PLXDC2: variants seen among roughly 807,000 people sequenced by gnomAD.
PLXDC2 encodes the protein plexin domain containing 2.
In PLXDC2, 40 loss-of-function variants were observed where a neutral mutation model predicts 68.9. That is an observed-to-expected ratio of 0.58 (90% CI 0.45 to 0.76). The LOEUF (loss-of-function observed/expected upper bound fraction) is 0.76, where lower values mean the gene tolerates loss of function less well. Among genes scored for constraint, PLXDC2 ranks in the 30% least tolerant of loss-of-function variants. PLXDC2 has a pLI of 0.00. For missense variants in PLXDC2, 644 were observed against 661.9 expected (o/e 0.97, Z 0.30); for synonymous variants, 243 against 234.2 (o/e 1.04, Z -0.34).
chr10:19,816,778 T>A lies in PLXDC2; in HGVS notation c.-302T>A. ...CGCTGCCCGAGTGGAACCGACAGTT[T>A]GCGAGCCTCGGCTGCAAGTGGCCTC... On this transcript the variant is annotated 5_prime_UTR_variant, in exon 1 of 14. Coordinates refer to ENST00000377252, the MANE Select transcript of PLXDC2 (RefSeq NM_032812.9). The A allele has an allele frequency of 2.1e-6, 1 of 480,416 alleles. No homozygotes were observed. 29.8% of individuals were successfully genotyped at this position (480,416 alleles called of 1,614,324 possible). A position where few individuals can be genotyped will look rare whatever the true frequency, so the allele number is the denominator to read the frequency against.
At position 19,871,136 on chromosome 10, in the gene PLXDC2, G is replaced by T. The variant is rs183465457; in HGVS notation, c.112+53945G>T. Among the ~76,000 whole-genome samples the T allele has an allele frequency of 6.6e-3, 1,006 of 152,274 alleles. 5 individuals are homozygous for T. Among genetic ancestry groups the T allele is most frequent in the Middle Eastern group, 0.027 (8 of 294 alleles). On this transcript the variant is annotated intron_variant, in intron 1 of 13. Coordinates refer to ENST00000377252, the MANE Select transcript of PLXDC2 (RefSeq NM_032812.9). ...GGAAGCTGGAACATTATAGTATTTAGTGTCCCAAGAAGAGAAGAACAGCAA... is the reference window on the plus strand; with the variant it reads ...GGAAGCTGGAACATTATAGTATTTATTGTCCCAAGAAGAGAAGAACAGCAA...
chr10:19,886,123 A>G (rs1185059177), intron 1 of PLXDC2, among the ~76,000 whole-genome samples: 9 of 152,076 alleles, frequency 5.9e-5, no homozygotes, highest in African/African-American at 9.7e-5. Context: ...GCAATTGTGA[A>G]TGGGATTTCA....
chr10:19,888,664 G>A (rs1296902701), intron 1 of PLXDC2, among the ~76,000 whole-genome samples: 1 of 152,100 alleles, frequency 6.6e-6, no homozygotes, highest in African/African-American at 2.4e-5. Flanking sequence ...TGGAAGAAAT[G>A]GTACTTGCAC....
At chr10:19,846,931 T>C (rs1168771977) in intron 1 of PLXDC2, among the ~76,000 whole-genome samples, 1 of 152,106 alleles carries the variant, frequency 6.6e-6, no homozygotes, top group Admixed American at 6.6e-5. Context: ...AAGGCACGTC[T>C]TACACGGCAG....
chr10:19,854,093 C>A (rs897729360), intron 1 of PLXDC2, among the ~76,000 whole-genome samples: 7 of 152,266 alleles, frequency 4.6e-5, no homozygotes, highest in Admixed American at 2.0e-4. Context: ...TGACAGGAGA[C>A]AAGGCTATCA....
In PLXDC2 at chr10:20,287,979, C is replaced by CCGGGGGGGGG. The variant is rs1554781439; in HGVS notation, c.*8160_*8161insCGGGGGGGGG. 7 of 12,398 alleles carry CCGGGGGGGGG rather than the reference C, an allele frequency of 5.6e-4. No individual in the cohort carries two copies. Among genetic ancestry groups the CCGGGGGGGGG allele is most frequent in the African/African-American group, 2.3e-3 (7 of 3,010 alleles). 0.8% of individuals were successfully genotyped at this position (12,398 alleles called of 1,614,324 possible). The stretch of plus-strand genomic sequence containing the variant: ...AGAAGAAATTGGGCACTTCTTGCGG[C>CCGGGGGGGGG]GGGGGAGGGGGGGGGGGCGGTGGCT... On this transcript the variant is annotated 3_prime_UTR_variant, in exon 14 of 14. Transcript: ENST00000377252.
At chr10:19,825,803 A>G (rs1298575888) in intron 1 of PLXDC2, among the ~76,000 whole-genome samples, 1 of 152,164 alleles carries the variant, frequency 6.6e-6, no homozygotes, top group Non-Finnish European at 1.5e-5. Context: ...TCTTTCCAAC[A>G]TACAAACTTA....
chr10:20,205,879 T>C (rs1178539374), intron 9 of PLXDC2, among the ~76,000 whole-genome samples: 2 of 152,096 alleles, frequency 1.3e-5, no homozygotes, highest in Non-Finnish European at 2.9e-5. Flanking sequence ...TCTTGAGATA[T>C]ATTGCACAAC....
At chr10:19,939,648 TC>T (rs1478712727) in intron 1 of PLXDC2, among the ~76,000 whole-genome samples, 2 of 152,170 alleles carry the variant, frequency 1.3e-5, no homozygotes, top group Non-Finnish European at 2.9e-5. Flanking sequence ...TCTTCCTTTT[TC>T]TCCCTTTGGA....
intron 4 of PLXDC2, among the ~76,000 whole-genome samples, chr10:20,123,333 G>A (rs12243129): frequency 6.6e-6 from 1 of 152,052 alleles, no homozygotes; most frequent in Non-Finnish European, 1.5e-5. Context: ...GGAAGATTTG[G>A]GATGAGTTGC....
intron 1 of PLXDC2, among the ~76,000 whole-genome samples, chr10:19,994,893 C>A (rs1210982126): frequency 7.2e-5 from 11 of 151,996 alleles, no homozygotes; most frequent in Non-Finnish European, 2.9e-5. Flanking sequence ...CAGGTGTGCA[C>A]CACCACGCCT....
intron 5 of PLXDC2, among the ~76,000 whole-genome samples, chr10:20,147,516 T>TA: frequency 6.6e-6 from 1 of 152,282 alleles, no homozygotes; most frequent in Non-Finnish European, 1.5e-5. Context: ...ATAAAATTCC[T>TA]AAGGCAAAAT....
intron 1 of PLXDC2, among the ~76,000 whole-genome samples, chr10:19,873,133 G>C (rs1837572026): frequency 6.6e-6 from 1 of 152,272 alleles, no homozygotes; most frequent in African/African-American, 2.4e-5. Context: ...GTTCACGACC[G>C]ATGTTTGTCC....
intron 1 of PLXDC2, among the ~76,000 whole-genome samples, chr10:19,846,324 A>G (rs571313133): frequency 6.6e-6 from 1 of 152,316 alleles, no homozygotes; most frequent in East Asian, 1.9e-4. Flanking sequence ...CTGTGATTTG[A>G]TATTTTTACC....
chr10:19,962,265 A>G (rs1391851384), intron 1 of PLXDC2, among the ~76,000 whole-genome samples: 3 of 149,672 alleles, frequency 2.0e-5, no homozygotes, highest in African/African-American at 4.9e-5. Context: ...AATACATCCC[A>G]GATCCTCTGT....
At position 20,076,238 on chromosome 10, in the gene PLXDC2, A is replaced by C. The variant is rs183137195; in HGVS notation, c.541+7999A>C. On this transcript the variant is annotated intron_variant, in intron 4 of 13. Coordinates refer to ENST00000377252, the MANE Select transcript of PLXDC2 (RefSeq NM_032812.9). ...CCTGGCCATTTCAGAAATGAGTTCA[A>C]AAGAGTTCCCTCAATTCCTACTTAA... 2.2e-3 allele frequency among the ~76,000 whole-genome samples: 331 copies of C among 152,318 alleles called. 1 individual carries two copies. The highest frequency in any genetic ancestry group is 3.2e-3 in the Non-Finnish European group (220 of 68,018).
At chr10:20,171,812 A>G (rs931501311) in intron 7 of PLXDC2, among the ~76,000 whole-genome samples, 4 of 152,118 alleles carry the variant, frequency 2.6e-5, no homozygotes, top group Non-Finnish European at 4.4e-5. Context: ...ATTTTTAACA[A>G]TTTAGAACTG....
At chr10:20,129,374 C>G (rs564169313) in intron 4 of PLXDC2, among the ~76,000 whole-genome samples, 60 of 152,096 alleles carry the variant, frequency 3.9e-4, no homozygotes, top group African/African-American at 1.4e-3. Context: ...ATAATGACCC[C>G]TTAGCAGATA....
At chr10:20,155,025 T>C (rs1393151830) in intron 6 of PLXDC2, among the ~76,000 whole-genome samples, 1 of 152,168 alleles carries the variant, frequency 6.6e-6, no homozygotes, top group Non-Finnish European at 1.5e-5. Context: ...TTACTGTTTA[T>C]TAAGTAAAAT....
Sources: gnomAD v4.1 joint callset for allele counts (sites outside exome capture counted in the v4.1 genomes callset) on GRCh38, gnomAD v4.1.1 for gene constraint, MANE v1.5 for transcripts, NCBI Gene and HGNC (gene_info 2026-07-23, HGNC 2026-07-21) for gene names.